Variants in SORCS3 observed in about 807,000 individuals in gnomAD.
The protein encoded by SORCS3 is sortilin related VPS10 domain containing receptor 3.
In SORCS3, 57 loss-of-function variants were observed where a neutral mutation model predicts 146.3. The observed-to-expected ratio is 0.39, with a 90% CI of 0.31 to 0.49. The LOEUF (loss-of-function observed/expected upper bound fraction) is 0.49. SORCS3 is among the 20% of genes least tolerant of loss of function. SORCS3 has a pLI of 0.92. For missense variants in SORCS3, 1,341 were observed against 1,575.5 expected, an observed-to-expected ratio of 0.85 and a Z score of 2.52; for synonymous variants, 653 against 618.5, an observed-to-expected ratio of 1.06 and a Z score of -0.83.
At chr10:104,655,882 G>A (rs2015624000) in intron 1 of SORCS3, among the ~76,000 whole-genome samples, 1 of 152,190 alleles carries the variant, frequency 6.6e-6, no homozygotes, top group Admixed American at 6.5e-5. Context: ...AGAAGCGAAT[G>A]TGTTTCCTGT....
chr10:104,794,303 T>G (rs952157528), intron 1 of SORCS3, among the ~76,000 whole-genome samples: 2 of 152,160 alleles, frequency 1.3e-5, no homozygotes, highest in Non-Finnish European at 2.9e-5. Flanking sequence ...GAATGAAGAA[T>G]GAGATACTCC....
At chr10:104,828,529 T>A (rs1246816727) in intron 1 of SORCS3, among the ~76,000 whole-genome samples, 1 of 152,080 alleles carries the variant, frequency 6.6e-6, no homozygotes, top group East Asian at 1.9e-4. Context: ...ACAGATATAA[T>A]AATAACAAAA....
rs553485123 is a variant in SORCS3, at chr10:104,762,820, C to T, written c.628-79972C>T. On this transcript the variant is annotated intron_variant, in intron 1 of 26. Transcript: ENST00000369701. ...GTTTCCTGAGGCTTCTCTAGCCATG[C>T]GGAACTGAGTCAATGAAATCTACTT... is the stretch of plus-strand genomic sequence containing the variant. Among the ~76,000 whole-genome samples, 21 of 152,264 alleles carry T rather than the reference C, an allele frequency of 1.4e-4. 1 individual carries two copies. Among genetic ancestry groups the T allele is most frequent in the African/African-American group, 3.4e-4 (14 of 41,562 alleles).
chr10:104,985,203 C>T lies in SORCS3; in HGVS notation c.954+7710C>T, dbSNP rs75604952. On this transcript the variant is annotated intron_variant, in intron 4 of 26. Transcript: ENST00000369701. Reference sequence around the variant, plus strand: ...CTGATAAATCTTGCTTTATCAACTACGTTTATGGAATATTTAAAATTCTTT... The same window carrying T: ...CTGATAAATCTTGCTTTATCAACTATGTTTATGGAATATTTAAAATTCTTT... Among the ~76,000 whole-genome samples the T allele has an allele frequency of 7.1e-3, 1,084 of 152,224 alleles. 13 individuals carry two copies. Among genetic ancestry groups the T allele is most frequent in the African/African-American group, 0.023 (938 of 41,534 alleles).
At chr10:104,798,227 G>A (rs534548952) in intron 1 of SORCS3, among the ~76,000 whole-genome samples, 3 of 152,220 alleles carry the variant, frequency 2.0e-5, no homozygotes, top group Non-Finnish European at 2.9e-5. Flanking sequence ...CTGGGTGGTG[G>A]TAGGATACAT....
intron 1 of SORCS3, among the ~76,000 whole-genome samples, chr10:104,732,747 A>ATC (rs2016722603): frequency 6.6e-6 from 1 of 152,146 alleles, no homozygotes; most frequent in Admixed American, 6.5e-5. Flanking sequence ...ACAGGCAGGG[A>ATC]TGGGAAAGGG....
chr10:104,992,223 C>T (rs909287451), intron 4 of SORCS3, among the ~76,000 whole-genome samples: 2 of 152,060 alleles, frequency 1.3e-5, no homozygotes, highest in Admixed American at 6.6e-5. Flanking sequence ...CAGGAAGATT[C>T]CAAGCTGGTC....
At chr10:104,751,633 G>T (rs1286411386) in intron 1 of SORCS3, among the ~76,000 whole-genome samples, 1 of 151,974 alleles carries the variant, frequency 6.6e-6, no homozygotes, top group Non-Finnish European at 1.5e-5. Context: ...TTAATGTCTG[G>T]GGTCTGTATT....
intron 1 of SORCS3, among the ~76,000 whole-genome samples, chr10:104,800,776 G>T (rs1045054127): frequency 2.0e-5 from 3 of 152,176 alleles, no homozygotes; most frequent in African/African-American, 4.8e-5. Context: ...TGAAACAATA[G>T]CTCCCCAGGA....
At chr10:104,673,776 A>G (rs973925737) in intron 1 of SORCS3, among the ~76,000 whole-genome samples, 1 of 151,902 alleles carries the variant, frequency 6.6e-6, no homozygotes, top group Non-Finnish European at 1.5e-5. Flanking sequence ...TTCTATAGCT[A>G]TTTTCTTTGT....
chr10:104,652,893 C>G (rs1341527857), intron 1 of SORCS3, among the ~76,000 whole-genome samples: 1 of 152,156 alleles, frequency 6.6e-6, no homozygotes, highest in South Asian at 2.1e-4. Flanking sequence ...AGAAAACTTA[C>G]AATTTTGTGT....
chr10:105,243,495 T>G (rs975081927), intron 20 of SORCS3, among the ~76,000 whole-genome samples: 3 of 152,192 alleles, frequency 2.0e-5, no homozygotes, highest in Admixed American at 1.3e-4. Context: ...AACAGGACCA[T>G]AAACAGCCAC....
At chr10:105,088,782 A>C (rs561675345) in intron 5 of SORCS3, among the ~76,000 whole-genome samples, 1 of 152,210 alleles carries the variant, frequency 6.6e-6, no homozygotes, top group South Asian at 2.1e-4. Context: ...TAAGTTTTCC[A>C]TTTCTCTTGC....
At chr10:105,236,327 G>A (rs1259769713) in intron 20 of SORCS3, among the ~76,000 whole-genome samples, 1 of 152,092 alleles carries the variant, frequency 6.6e-6, no homozygotes, top group Admixed American at 6.6e-5. Flanking sequence ...TGCTTTAGCT[G>A]CACTACTAGA....
At chr10:104,766,180 C>A (rs1379219156) in intron 1 of SORCS3, among the ~76,000 whole-genome samples, 1 of 152,178 alleles carries the variant, frequency 6.6e-6, no homozygotes, top group African/African-American at 2.4e-5. Flanking sequence ...CTGGGACAGA[C>A]CCAGTGAATC....
At chr10:104,731,194 C>T (rs2016702658) in intron 1 of SORCS3, among the ~76,000 whole-genome samples, 1 of 152,144 alleles carries the variant, frequency 6.6e-6, no homozygotes, top group South Asian at 2.1e-4. Context: ...TTGTGAGGAC[C>T]CTGGAGGGAG....
chr10:104,846,268 C>G (rs149480352), intron 2 of SORCS3, among the ~76,000 whole-genome samples: 3 of 152,092 alleles, frequency 2.0e-5, no homozygotes, highest in Non-Finnish European at 2.9e-5. Flanking sequence ...GTCTTTCTCA[C>G]GTATCTTCTA....
In SORCS3 at chr10:105,140,132, C is replaced by T. The variant is rs561733896; in HGVS notation, c.1302+646C>T. 2.0e-5 allele frequency among the ~76,000 whole-genome samples: 3 copies of T among 152,212 alleles called. No homozygotes were observed. In the South Asian group the frequency reaches 6.2e-4, roughly 32 times the overall value. The stretch of plus-strand genomic sequence containing the variant: ...AAATGGACAGGTTATAATTGCATCA[C>T]TTAATGAGGCTACAAAGGAGTAAAA... On this transcript the variant is annotated intron_variant, in intron 8 of 26. Transcript: ENST00000369701.
At chr10:104,937,235 T>C (rs750604031) in intron 3 of SORCS3, among the ~76,000 whole-genome samples, 11 of 152,212 alleles carry the variant, frequency 7.2e-5, no homozygotes, top group Non-Finnish European at 2.9e-5. Flanking sequence ...ACTCACCTCC[T>C]GCTGTGCAGC....
Sources: allele counts gnomAD v4.1 joint callset (sites outside exome capture counted in the v4.1 genomes callset), GRCh38; gene constraint gnomAD v4.1.1; transcripts MANE v1.5; gene names NCBI Gene and HGNC (gene_info 2026-07-23, HGNC 2026-07-21).